HHAT: variants seen among roughly 807,000 people sequenced by gnomAD.
HHAT encodes hedgehog acyltransferase, also known as protein-cysteine N-palmitoyltransferase HHAT.
HHAT carries 47 observed loss-of-function variants against 70.8 expected under a neutral mutation model. The ratio of observed to expected loss-of-function variants is 0.66; its 90% confidence interval spans 0.53 to 0.85. HHAT has a LOEUF of 0.85. HHAT is among the 40% of genes least tolerant of loss of function. HHAT has a pLI of 0.00. For synonymous variants in HHAT, 228 were observed against 247.6 expected (o/e 0.92, Z 0.74); for missense variants, 609 against 604.8 (o/e 1.01, Z -0.07).
intron 1 of HHAT, among the ~76,000 whole-genome samples, chr1:210,346,737 G>T (rs776882036): frequency 6.6e-6 from 1 of 152,178 alleles, no homozygotes; most frequent in Non-Finnish European, 1.5e-5. Context: ...TCTCCCAGTG[G>T]TCTGAAGAAA....
chr1:210,671,245 A>G (rs1267391907), intron 11 of HHAT, among the ~76,000 whole-genome samples: 1 of 152,140 alleles, frequency 6.6e-6, no homozygotes, highest in Admixed American at 6.5e-5. Flanking sequence ...GCCTCACTCC[A>G]AACACAGCTG....
intron 3 of HHAT, among the ~76,000 whole-genome samples, chr1:210,375,722 C>G (rs1233535308): frequency 1.3e-5 from 2 of 150,834 alleles, no homozygotes; most frequent in African/African-American, 4.9e-5. Flanking sequence ...TTTCTTCTTT[C>G]CTTCTGGAAA....
chr1:210,513,890 A>G (rs1229693674), intron 9 of HHAT, among the ~76,000 whole-genome samples: 3 of 152,236 alleles, frequency 2.0e-5, no homozygotes, highest in African/African-American at 7.2e-5. Context: ...ATGGTTGCCG[A>G]AAGACTGCAA....
At chr1:210,427,705 A>C (rs573550494) in intron 7 of HHAT, among the ~76,000 whole-genome samples, 1 of 152,082 alleles carries the variant, frequency 6.6e-6, no homozygotes, top group Non-Finnish European at 1.5e-5. Flanking sequence ...TTTGCTGAGG[A>C]GTGTTTTCTG....
At chr1:210,650,850 G>A (rs2148933418) in intron 11 of HHAT, among the ~76,000 whole-genome samples, 1 of 152,266 alleles carries the variant, frequency 6.6e-6, no homozygotes, top group South Asian at 2.1e-4. Context: ...GAATTTATTT[G>A]CTTCATGGCA....
At chr1:210,344,490 T>A (rs2086330194) in intron 1 of HHAT, among the ~76,000 whole-genome samples, 1 of 152,260 alleles carries the variant, frequency 6.6e-6, no homozygotes, top group Middle Eastern at 3.4e-3. Context: ...CTGAGTGTCC[T>A]ATTAAGTTTT....
At chr1:210,411,709 G>A (rs2148245413) in intron 6 of HHAT, among the ~76,000 whole-genome samples, 1 of 152,256 alleles carries the variant, frequency 6.6e-6, no homozygotes, top group East Asian at 1.9e-4. Flanking sequence ...TCACATCATT[G>A]CATTCTAGCC....
chr1:210,621,423 G>A (rs867558280), intron 10 of HHAT, among the ~76,000 whole-genome samples: 7 of 152,144 alleles, frequency 4.6e-5, no homozygotes, highest in Admixed American at 2.6e-4. Context: ...TTACTTGGAC[G>A]TATTTATGTC....
At chr1:210,656,616 G>A (rs900155708) in intron 11 of HHAT, among the ~76,000 whole-genome samples, 3 of 152,202 alleles carry the variant, frequency 2.0e-5, no homozygotes, top group South Asian at 2.1e-4. Flanking sequence ...TCCGCTCACC[G>A]TCAGCAGAGA....
chr1:210,354,418 T>G (rs1219787359), intron 2 of HHAT, among the ~76,000 whole-genome samples: 2 of 152,128 alleles, frequency 1.3e-5, no homozygotes, highest in African/African-American at 4.8e-5. Context: ...TTAGTCAGGC[T>G]GGTCTCAAAC....
intron 6 of HHAT, among the ~76,000 whole-genome samples, chr1:210,413,128 G>A (rs2092615114): frequency 6.6e-6 from 1 of 152,190 alleles, no homozygotes; most frequent in African/African-American, 2.4e-5. Flanking sequence ...GTATTATAAT[G>A]TTACATTACT....
chr1:210,657,018 T>C (rs1676580382), intron 11 of HHAT, among the ~76,000 whole-genome samples: 1 of 152,200 alleles, frequency 6.6e-6, no homozygotes, highest in Non-Finnish European at 1.5e-5. Context: ...TTTCCAAATA[T>C]CATTTGTAAA....
At chr1:210,523,635 T>C (rs558551567) in intron 9 of HHAT, among the ~76,000 whole-genome samples, 2 of 152,312 alleles carry the variant, frequency 1.3e-5, no homozygotes, top group South Asian at 2.1e-4. Flanking sequence ...CGTGCGCATG[T>C]GTGTTGCAGC....
intron 9 of HHAT, among the ~76,000 whole-genome samples, chr1:210,569,195 G>A (rs541406375): frequency 8.6e-5 from 13 of 151,784 alleles, no homozygotes; most frequent in East Asian, 3.9e-4. Flanking sequence ...CCAACATGGC[G>A]AAACCCCATC....
intron 9 of HHAT, among the ~76,000 whole-genome samples, chr1:210,536,741 T>C (rs928348072): frequency 1.3e-5 from 2 of 152,184 alleles, no homozygotes; most frequent in Non-Finnish European, 2.9e-5. Flanking sequence ...TCTGTTTGAG[T>C]TGGACCTTTG....
intron 6 of HHAT, among the ~76,000 whole-genome samples, chr1:210,405,985 G>A (rs1257325050): frequency 1.3e-5 from 2 of 152,058 alleles, no homozygotes; most frequent in Admixed American, 6.6e-5. Flanking sequence ...CATCAGTATC[G>A]CCAGAGAGCT....
At chr1:210,552,916 C>G (rs963500268) in intron 9 of HHAT, among the ~76,000 whole-genome samples, 2 of 152,200 alleles carry the variant, frequency 1.3e-5, no homozygotes, top group Admixed American at 6.5e-5. Flanking sequence ...TTGTAGCTGT[C>G]TCTCTCTTTG....
intron 10 of HHAT, among the ~76,000 whole-genome samples, chr1:210,594,098 G>A (rs1031752344): frequency 3.3e-5 from 5 of 151,968 alleles, no homozygotes; most frequent in Non-Finnish European, 7.4e-5. Flanking sequence ...CAGATTATGG[G>A]GTCCTGTTTT....
At chr1:210,643,691 C>T (rs1673419186) in intron 11 of HHAT, among the ~76,000 whole-genome samples, 2 of 150,954 alleles carry the variant, frequency 1.3e-5, no homozygotes, top group Non-Finnish European at 2.9e-5. Flanking sequence ...TTTGCGTTGT[C>T]TTTCAGTAGA....
Sources: gnomAD v4.1 joint callset for allele counts (sites outside exome capture counted in the v4.1 genomes callset) on GRCh38, gnomAD v4.1.1 for gene constraint, MANE v1.5 for transcripts, NCBI Gene and HGNC (gene_info 2026-07-23, HGNC 2026-07-21) for gene names.